Variants in SSPN observed in about 807,000 individuals in gnomAD.
SSPN encodes K-ras oncogene-associated protein.
A neutral mutation model predicts 19.1 loss-of-function variants in SSPN; 15 were observed. That is an observed-to-expected ratio of 0.78 (90% confidence interval 0.52 to 1.21). The LOEUF (loss-of-function observed/expected upper bound fraction) is 1.21, where lower values mean the gene tolerates loss of function less well. SSPN is among the 50% of genes most tolerant of loss of function. The pLI is 0.00. For synonymous variants in SSPN, 147 were observed against 140.3 expected, an observed-to-expected ratio of 1.05 and a Z score of -0.34; for missense variants, 291 against 314.0, an observed-to-expected ratio of 0.93 and a Z score of 0.55.
chr12:26,144,870 A>T (rs1240552693), intron 1 of SSPN, among the ~76,000 whole-genome samples: 1 of 152,242 alleles, frequency 6.6e-6, no homozygotes, highest in Non-Finnish European at 1.5e-5. Context: ...CTAAATTCAT[A>T]TTAAAAGTTA....
chr12:26,201,765 G>T (rs1944887919), intron 1 of SSPN, among the ~76,000 whole-genome samples: 1 of 151,982 alleles, frequency 6.6e-6, no homozygotes, highest in East Asian at 1.9e-4. Context: ...TAGAATTTTG[G>T]GATAATCAAA....
chr12:26,191,635 A>G (rs749735793), upstream of SSPN, among the ~76,000 whole-genome samples: 1 of 151,970 alleles, frequency 6.6e-6, no homozygotes, highest in Non-Finnish European at 1.5e-5. Context: ...ATGACATAGG[A>G]ATAAAGAAAA....
At chr12:26,221,944 GTTC>G (rs1211462787) in intron 1 of SSPN, among the ~76,000 whole-genome samples, 1 of 152,206 alleles carries the variant, frequency 6.6e-6, no homozygotes, top group Non-Finnish European at 1.5e-5. Flanking sequence ...AACCCCTACA[GTTC>G]TTATCAAACT....
At chr12:26,147,862 C>T (rs2046066) in intron 1 of SSPN, among the ~76,000 whole-genome samples, 125,542 of 152,090 alleles carry the variant, frequency 0.83, 55,149 homozygotes, top group Non-Finnish European at 0.97. Context: ...TCTCAAAATA[C>T]ATGTGGGAGG....
intron 1 of SSPN, among the ~76,000 whole-genome samples, chr12:26,150,417 A>G (rs1246157834): frequency 3.3e-5 from 5 of 152,204 alleles, no homozygotes; most frequent in Non-Finnish European, 7.4e-5. Context: ...GACTGATGCT[A>G]TAAACTGGTT....
At chr12:26,164,084 G>T (rs774770778) in intron 1 of SSPN, among the ~76,000 whole-genome samples, 6 of 152,186 alleles carry the variant, frequency 3.9e-5, no homozygotes, top group Admixed American at 3.9e-4. Context: ...GCAAAGCCCC[G>T]TAAGCAGATC....
intron 1 of SSPN, chr12:26,122,594 G>A (rs1944320507): frequency 1.8e-6 from 2 of 1,116,864 alleles, no homozygotes; most frequent in African/African-American, 3.4e-5. Flanking sequence ...CGGCAGGGTC[G>A]GGCCCCAGAA....
At chr12:26,180,780 C>T (rs1213307407) in intron 1 of SSPN, 1 of 152,184 alleles carries the variant, frequency 6.6e-6, no homozygotes, top group Non-Finnish European at 1.5e-5. Flanking sequence ...ACAGCATCTT[C>T]TACATAGCTA....
At chr12:26,126,304 G>A (rs1348206333) in intron 1 of SSPN, 1 of 152,288 alleles carries the variant, frequency 6.6e-6, no homozygotes, top group East Asian at 1.9e-4. Context: ...GGACTCCCAG[G>A]GGTGGGATGG....
chr12:26,127,792 C>T (rs967201178), intron 1 of SSPN, among the ~76,000 whole-genome samples: 22 of 152,130 alleles, frequency 1.4e-4, no homozygotes, highest in African/African-American at 5.3e-4. Flanking sequence ...TTACCCACTT[C>T]CCTTAAACTT....
intron 1 of SSPN, among the ~76,000 whole-genome samples, chr12:26,208,930 T>C (rs1462843770): frequency 6.6e-6 from 1 of 152,144 alleles, no homozygotes; most frequent in Non-Finnish European, 1.5e-5. Context: ...ACTATGCCAA[T>C]ACCATTGTCT....
intron 1 of SSPN, among the ~76,000 whole-genome samples, chr12:26,210,099 T>C (rs901501629): frequency 1.3e-5 from 2 of 151,974 alleles, no homozygotes; most frequent in Non-Finnish European, 2.9e-5. Flanking sequence ...ATAATGAACC[T>C]CTATATTCTC....
chr12:26,159,776 A>C (rs1944576646), intron 1 of SSPN, among the ~76,000 whole-genome samples: 1 of 152,238 alleles, frequency 6.6e-6, no homozygotes, highest in Non-Finnish European at 1.5e-5. Context: ...AAAAAAAATA[A>C]AAATAAAAAC....
rs117376395 is a variant in SSPN, at chr12:26,149,839, C to T, written c.-31+27687C>T. The stretch of plus-strand genomic sequence containing the variant: ...ACACATGTGCATACACACATCCACA[C>T]ATACTGCACCTGAAATTTTTTTTTT... On this transcript the variant is annotated intron_variant, in intron 1 of 2. Transcript: ENST00000538142. 5.1e-4 allele frequency among the ~76,000 whole-genome samples: 78 copies of T among 152,352 alleles called. No individual in the cohort carries two copies. The East Asian group carries it at 0.013, about 26-fold the overall frequency.
intron 1 of SSPN, chr12:26,124,690 G>A (rs1276459308): frequency 6.2e-7 from 1 of 1,613,826 alleles, no homozygotes; most frequent in Non-Finnish European, 8.5e-7. Context: ...AGCCTAGACA[G>A]ATATTCGCAA....
intron 1 of SSPN, among the ~76,000 whole-genome samples, chr12:26,159,842 G>A (rs937603220): frequency 6.6e-6 from 1 of 152,220 alleles, no homozygotes; most frequent in Admixed American, 6.5e-5. Flanking sequence ...GTGGCATCCT[G>A]AGTACCAAGC....
intron 1 of SSPN, among the ~76,000 whole-genome samples, chr12:26,203,724 C>T (rs994371280): frequency 3.3e-5 from 5 of 152,216 alleles, no homozygotes; most frequent in South Asian, 4.2e-4. Flanking sequence ...AACAAAATAC[C>T]GTAGACTGGG....
At chr12:26,192,912 G>A (rs1476562391), upstream of SSPN, among the ~76,000 whole-genome samples, 1 of 152,160 alleles carries the variant, frequency 6.6e-6, no homozygotes, top group African/African-American at 2.4e-5. Flanking sequence ...TATCTTGTTT[G>A]ACTATTTAAA....
chr12:26,169,069 A>C (rs1246282166), intron 1 of SSPN, among the ~76,000 whole-genome samples: 5 of 151,222 alleles, frequency 3.3e-5, no homozygotes, highest in African/African-American at 4.9e-5. Context: ...GTCATCCAAC[A>C]TTAATTATCT....
Sources: gnomAD v4.1 joint callset for allele counts (sites outside exome capture counted in the v4.1 genomes callset) on GRCh38, gnomAD v4.1.1 for gene constraint, MANE v1.5 for transcripts, NCBI Gene and HGNC (gene_info 2026-07-23, HGNC 2026-07-21) for gene names.